The following SEMA3D variants were observed in gnomAD, a reference collection of about 807,000 sequenced individuals.
SEMA3D encodes the protein semaphorin-3D.
A neutral mutation model predicts 100.1 loss-of-function variants in SEMA3D; 84 were observed. That is an observed-to-expected ratio of 0.84 (90% CI 0.70 to 1.01). The LOEUF (loss-of-function observed/expected upper bound fraction) is 1.01, where lower values mean the gene tolerates loss of function less well. Among genes scored for constraint, SEMA3D ranks in the 50% least tolerant of loss-of-function variants. The probability of loss-of-function intolerance (pLI) is 0.00; values close to 1 mark genes in which losing one functional copy is unlikely to be tolerated. For synonymous variants in SEMA3D, 312 were observed against 320.7 expected (o/e 0.97, Z 0.29); for missense variants, 875 against 934.1 (o/e 0.94, Z 0.82).
chr7:85,141,279 G>T (rs1790044449), intron 2 of SEMA3D: 1 of 983,806 alleles, frequency 1.0e-6, no homozygotes, highest in African/African-American at 1.8e-5. Flanking sequence ...CTTTTAAAAT[G>T]CTTTAACCTC....
chr7:85,241,883 A>G, the SEMA3D span, among the ~76,000 whole-genome samples: 9 of 152,200 alleles, frequency 5.9e-5, no homozygotes, highest in South Asian at 1.9e-3. Flanking sequence ...TTCCTCATTT[A>G]AAGTGGATTT....
the SEMA3D span, among the ~76,000 whole-genome samples, chr7:85,224,917 C>T: frequency 6.6e-6 from 1 of 151,274 alleles, no homozygotes; most frequent in Admixed American, 6.6e-5. Context: ...CAGTTTCATT[C>T]TGAGCAGTTT....
intron 2 of SEMA3D, chr7:85,144,280 A>T (rs1790136861): frequency 5.8e-6 from 1 of 171,514 alleles, no homozygotes; most frequent in African/African-American, 2.4e-5. Flanking sequence ...CTAAAAGAGG[A>T]GATTGAATTT....
rs1789487111 is a variant in SEMA3D at position 84,995,942 on chromosome 7, A to G, written c.*3498T>C. 6.6e-6 allele frequency: 1 copy of G among 151,942 alleles called. No individual in the cohort carries two copies. 9.4% of individuals were successfully genotyped at this position (151,942 alleles called of 1,614,324 possible). On this transcript the variant is annotated 3_prime_UTR_variant, in exon 19 of 19. Transcript: ENST00000284136. ...TAAAATTGTGATCATTTACTATGAT[A>G]AAAATACATCTCCTATAAAAACACT...
intron 1 of SEMA3D, among the ~76,000 whole-genome samples, chr7:85,172,460 AT>A (rs751685536): frequency 5.9e-5 from 9 of 151,980 alleles, no homozygotes; most frequent in Non-Finnish European, 1.0e-4. Context: ...TCTGGAAAAC[AT>A]TGATTAACAT....
At chr7:85,029,568 T>A (rs190972003) in intron 12 of SEMA3D, 6 of 527,998 alleles carry the variant, frequency 1.1e-5, no homozygotes, top group African/African-American at 9.6e-5. Context: ...AGTCTTCAAG[T>A]CCATGATAAC....
At chr7:85,002,351 C>T (rs541911753) in intron 18 of SEMA3D, among the ~76,000 whole-genome samples, 1 of 152,216 alleles carries the variant, frequency 6.6e-6, no homozygotes, top group African/African-American at 2.4e-5. Context: ...ATTTTTCTTG[C>T]TAAAATTTCA....
chr7:85,086,211 C>T (rs893703085), intron 4 of SEMA3D, among the ~76,000 whole-genome samples: 5 of 152,056 alleles, frequency 3.3e-5, no homozygotes, highest in Non-Finnish European at 7.4e-5. Context: ...GTCTTTTAGA[C>T]TCTAAACATT....
chr7:84,999,987 CTGTCATCAAGCATAATAT>C (rs1789613351), intron 18 of SEMA3D, 122 bp from the exon 19 acceptor site: 1 of 795,588 alleles, frequency 1.3e-6, no homozygotes, highest in African/African-American at 1.7e-5. Context: ...CTCTCTGTCT[CTGTCATCAAGCATAATAT>C]TGTCAGCCAT....
the SEMA3D span, among the ~76,000 whole-genome samples, chr7:85,230,800 A>T: frequency 6.6e-6 from 1 of 152,146 alleles, no homozygotes; most frequent in African/African-American, 2.4e-5. Flanking sequence ...TCCTCATGCA[A>T]CCGTTAAACT....
chr7:85,084,255 TTTA>T (rs1443030340), intron 4 of SEMA3D, among the ~76,000 whole-genome samples: 2 of 152,206 alleles, frequency 1.3e-5, no homozygotes, highest in Admixed American at 6.5e-5. Context: ...CTGGTCCAAT[TTTA>T]TTATTATTTT....
Position 85,018,250 on chromosome 7 carries a change from A to T in SEMA3D, c.1545+2T>A. On this transcript the variant is annotated splice_donor_variant, in intron 15 of 18. Transcript: ENST00000284136. LOFTEE classifies it high-confidence loss of function. The stretch of plus-strand genomic sequence containing the variant: ...AACTTTCATACAAAAGTTAAAAAGT[A>T]CCTGCTTCAGAGACAATTCCATGTT... The T allele has an allele frequency of 6.3e-7, 1 of 1,582,926 alleles. No individual in the cohort carries two copies. The highest frequency in any genetic ancestry group is 8.7e-7 in the Non-Finnish European group (1 of 1,153,168).
the SEMA3D span, among the ~76,000 whole-genome samples, chr7:85,213,066 T>G: frequency 6.6e-6 from 1 of 152,068 alleles, no homozygotes. Flanking sequence ...GAATTGTTAC[T>G]GCTAGTACTA....
chr7:85,060,287 T>C (rs1029035845), intron 8 of SEMA3D, among the ~76,000 whole-genome samples: 3 of 152,180 alleles, frequency 2.0e-5, no homozygotes, highest in Non-Finnish European at 4.4e-5. Context: ...ATAGTAAGCA[T>C]ACTTGAGAGT....
At chr7:85,135,410 A>C (rs1451246577) in intron 2 of SEMA3D, among the ~76,000 whole-genome samples, 1 of 152,028 alleles carries the variant, frequency 6.6e-6, no homozygotes, top group Non-Finnish European at 1.5e-5. Context: ...CAAGAACAAA[A>C]AACCAAACAC....
chr7:85,028,076 C>T, intron 12 of SEMA3D: 2 of 610,664 alleles, frequency 3.3e-6, no homozygotes, highest in South Asian at 3.1e-5. Context: ...ATGCCATTGT[C>T]CAGTTTGATA....
the SEMA3D span, among the ~76,000 whole-genome samples, chr7:85,241,883 A>T: frequency 6.6e-6 from 1 of 152,082 alleles, no homozygotes; most frequent in Admixed American, 6.6e-5. Context: ...TTCCTCATTT[A>T]AAGTGGATTT....
At chr7:85,210,079 G>T in the SEMA3D span, among the ~76,000 whole-genome samples, 802 of 152,040 alleles carry the variant, frequency 5.3e-3, 11 homozygotes, top group African/African-American at 0.018. Context: ...GTTTGACCAA[G>T]GTCACACCAT....
intron 2 of SEMA3D, chr7:85,140,636 T>C (rs941898490): frequency 1.0e-6 from 1 of 960,490 alleles, no homozygotes; most frequent in Non-Finnish European, 1.2e-6. Flanking sequence ...CCCTATAATC[T>C]ATAGCCTACA....
Sources: allele counts gnomAD v4.1 joint callset (sites outside exome capture counted in the v4.1 genomes callset), GRCh38; gene constraint gnomAD v4.1.1; transcripts MANE v1.5; gene names NCBI Gene and HGNC (gene_info 2026-07-23, HGNC 2026-07-21).